ALK: variants seen among roughly 807,000 people sequenced by gnomAD.
The protein encoded by ALK is ALK receptor tyrosine kinase.
ALK carries 74 observed loss-of-function variants against 163.1 expected under a neutral mutation model. That is an observed-to-expected ratio of 0.45 (90% CI 0.38 to 0.55). The LOEUF is 0.55. ALK is among the 20% of genes least tolerant of loss of function. The pLI is 0.00. For synonymous variants in ALK, 960 were observed against 843.2 expected (o/e 1.14, Z -2.40); for missense variants, 2,063 against 2,105.3 (o/e 0.98, Z 0.39).
intron 1 of ALK, among the ~76,000 whole-genome samples, chr2:29,881,690 T>C (rs1303923996): frequency 6.6e-6 from 1 of 152,226 alleles, no homozygotes; most frequent in Non-Finnish European, 1.5e-5. Context: ...TCTACCCAGC[T>C]GTTTTAAGGC....
chr2:29,342,323 TG>T, intron 5 of ALK, among the ~76,000 whole-genome samples: 1 of 152,344 alleles, frequency 6.6e-6, no homozygotes, highest in African/African-American at 2.4e-5. Context: ...GAAGACACTA[TG>T]CTAAGTGAAA....
intron 5 of ALK, among the ~76,000 whole-genome samples, chr2:29,342,722 G>A (rs1417934636): frequency 1.3e-5 from 2 of 152,090 alleles, no homozygotes; most frequent in African/African-American, 2.4e-5. Flanking sequence ...CCCATGCAGA[G>A]TTCAGGCTCT....
chr2:29,722,865 A>G (rs1392229214), intron 1 of ALK, among the ~76,000 whole-genome samples: 4 of 152,192 alleles, frequency 2.6e-5, no homozygotes, highest in Non-Finnish European at 5.9e-5. Flanking sequence ...CATTTCAGAA[A>G]GTGTTACCAA....
At chr2:29,456,235 T>C (rs545348981) in intron 4 of ALK, among the ~76,000 whole-genome samples, 70 of 152,226 alleles carry the variant, frequency 4.6e-4, no homozygotes, top group African/African-American at 1.5e-3. Context: ...CTGGAGAGAA[T>C]TGAAAGCAGG....
intron 1 of ALK, among the ~76,000 whole-genome samples, chr2:29,785,909 G>T (rs1159571629): frequency 1.4e-5 from 2 of 138,300 alleles, no homozygotes; most frequent in Non-Finnish European, 3.0e-5. Flanking sequence ...ATGTTTTTGA[G>T]TATACACACA....
chr2:29,564,539 T>C (rs1674123926), intron 3 of ALK, among the ~76,000 whole-genome samples: 1 of 152,138 alleles, frequency 6.6e-6, no homozygotes, highest in Non-Finnish European at 1.5e-5. Flanking sequence ...GTCGCTACTG[T>C]TGTCATTCTG....
chr2:29,541,981 C>A (rs1382298642), intron 3 of ALK, among the ~76,000 whole-genome samples: 1 of 152,316 alleles, frequency 6.6e-6, no homozygotes, highest in Admixed American at 6.5e-5. Flanking sequence ...TTTGGCCATA[C>A]TCCAAGTCCC....
At chr2:29,318,241 G>C in intron 8 of ALK, 63 bp downstream of exon 8, 1 of 1,393,770 alleles carries the variant, frequency 7.2e-7, no homozygotes, top group Non-Finnish European at 1.0e-6. Flanking sequence ...TCTTAATCTG[G>C]GTTCCGGAAG....
chr2:29,449,891 G>A (rs1480728127), intron 4 of ALK, among the ~76,000 whole-genome samples: 2 of 152,138 alleles, frequency 1.3e-5, no homozygotes, highest in Admixed American at 6.5e-5. Flanking sequence ...ATCACTGTCT[G>A]GACTCCCCAG....
chr2:29,407,207 T>C (rs1424781069), intron 4 of ALK, among the ~76,000 whole-genome samples: 1 of 152,244 alleles, frequency 6.6e-6, no homozygotes, highest in Non-Finnish European at 1.5e-5. Flanking sequence ...GAAGAGCATG[T>C]TTTCTGCCAG....
chr2:29,516,595 C>T (rs949863757), intron 4 of ALK, among the ~76,000 whole-genome samples: 1 of 152,216 alleles, frequency 6.6e-6, no homozygotes, highest in Non-Finnish European at 1.5e-5. Flanking sequence ...CTCTCTACAT[C>T]TCTTCTGGAG....
chr2:29,422,620 T>C (rs1670042451), intron 4 of ALK, among the ~76,000 whole-genome samples: 1 of 152,228 alleles, frequency 6.6e-6, no homozygotes, highest in African/African-American at 2.4e-5. Flanking sequence ...AATTTTTGTT[T>C]AGTTTTTTTT....
chr2:29,739,244 A>AT, intron 1 of ALK, among the ~76,000 whole-genome samples: 1 of 134,120 alleles, frequency 7.5e-6, no homozygotes, highest in Middle Eastern at 3.9e-3. Flanking sequence ...CTCTCTTAAA[A>AT]AAAAAAAAAA....
At chr2:29,687,708 T>C (rs1360809955) in intron 3 of ALK, among the ~76,000 whole-genome samples, 1 of 152,168 alleles carries the variant, frequency 6.6e-6, no homozygotes, top group East Asian at 1.9e-4. Context: ...TTTATCCTTA[T>C]GTACATAGTT....
chr2:29,476,245 A>C (rs1050257936), intron 4 of ALK, among the ~76,000 whole-genome samples: 1 of 152,144 alleles, frequency 6.6e-6, no homozygotes, highest in Admixed American at 6.5e-5. Context: ...TGCATCTGAC[A>C]TACAATGAGC....
At chr2:29,201,910 A>G (rs1427074621) in intron 26 of ALK, among the ~76,000 whole-genome samples, 1 of 151,872 alleles carries the variant, frequency 6.6e-6, no homozygotes, top group African/African-American at 2.4e-5. Flanking sequence ...TTCTTTCTTC[A>G]CTTACCCACC....
At chr2:29,217,471 C>T (rs1188337920) in intron 23 of ALK, among the ~76,000 whole-genome samples, 1 of 151,926 alleles carries the variant, frequency 6.6e-6, no homozygotes, top group Non-Finnish European at 1.5e-5. Context: ...AGCCAGTGCA[C>T]CCTGGGACCA....
intron 4 of ALK, among the ~76,000 whole-genome samples, chr2:29,451,372 G>A (rs1392006773): frequency 6.6e-6 from 1 of 152,104 alleles, no homozygotes; most frequent in Non-Finnish European, 1.5e-5. Context: ...CTCCCCCACT[G>A]CCTCTGGGAT....
Position 29,347,419 on chromosome 2 carries a change from C to T in ALK, c.1283-18938G>A, listed in dbSNP as rs565998462. Among the ~76,000 whole-genome samples, 12 of 152,256 alleles carry T rather than the reference C, an allele frequency of 7.9e-5. No individual in the cohort carries two copies. The South Asian group carries it at 1.9e-3, about 24-fold the overall frequency. On this transcript the variant is annotated intron_variant, in intron 5 of 28. Coordinates refer to ENST00000389048, the MANE Select transcript of ALK (RefSeq NM_004304.5). ...AACACTGCACAGGACCACTAAATGC[C>T]GTCCTTTGGTTTGGATGGGGTGGGG...
Sources: gnomAD v4.1 joint callset for allele counts (sites outside exome capture counted in the v4.1 genomes callset) on GRCh38, gnomAD v4.1.1 for gene constraint, MANE v1.5 for transcripts, NCBI Gene and HGNC (gene_info 2026-07-23, HGNC 2026-07-21) for gene names.